The following ASTN2 variants were observed in gnomAD, a reference collection of about 807,000 sequenced individuals.
ASTN2 encodes astrotactin-2.
Under a neutral mutation model 139.8 loss-of-function variants are expected in ASTN2, and 54 were observed. That is an observed-to-expected ratio of 0.39 (90% CI 0.31 to 0.48). ASTN2 has a LOEUF of 0.48. Ranked by LOEUF, ASTN2 falls within the 20% of genes least tolerant of loss-of-function variation. The pLI is 0.95. For missense variants in ASTN2, 1,565 were observed against 1,725.1 expected (o/e 0.91, Z 1.64); for synonymous variants, 756 against 719.5 (o/e 1.05, Z -0.81).
chr9:117,308,062 G>T (rs1293379575), intron 1 of ASTN2, among the ~76,000 whole-genome samples: 2 of 152,110 alleles, frequency 1.3e-5, no homozygotes, highest in African/African-American at 4.8e-5. Flanking sequence ...TGGTGTCCTT[G>T]AAAGAGAGAG....
At chr9:116,614,100 C>A (rs1237582338) in intron 19 of ASTN2, among the ~76,000 whole-genome samples, 1 of 152,160 alleles carries the variant, frequency 6.6e-6, no homozygotes, top group Admixed American at 6.5e-5. Flanking sequence ...AGAGCCAAAT[C>A]ATGAGTGAAC....
intron 16 of ASTN2, 65 bp from the exon 17 acceptor site, chr9:116,651,858 T>C: frequency 1.9e-6 from 3 of 1,555,640 alleles, no homozygotes; most frequent in Non-Finnish European, 1.7e-6. Flanking sequence ...GCCAGACTCT[T>C]GAATTCACAA....
chr9:117,004,234 C>T (rs1837291914), intron 7 of ASTN2, among the ~76,000 whole-genome samples: 1 of 152,048 alleles, frequency 6.6e-6, no homozygotes, highest in Non-Finnish European at 1.5e-5. Context: ...ACCCTCCCAC[C>T]TCAGCTTCTA....
At chr9:116,438,223 A>G (rs1675944499) in intron 22 of ASTN2, among the ~76,000 whole-genome samples, 1 of 152,152 alleles carries the variant, frequency 6.6e-6, no homozygotes, top group Admixed American at 6.5e-5. Context: ...CAGCCTCTAG[A>G]GCCTCACTGC....
intron 7 of ASTN2, among the ~76,000 whole-genome samples, chr9:116,988,869 G>A (rs1836759451): frequency 6.6e-6 from 1 of 152,060 alleles, no homozygotes; most frequent in Non-Finnish European, 1.5e-5. Context: ...ATTGCTGGGT[G>A]GCCTTACTCA....
At chr9:117,142,330 G>A (rs183581398) in intron 3 of ASTN2, among the ~76,000 whole-genome samples, 3 of 152,352 alleles carry the variant, frequency 2.0e-5, no homozygotes, top group East Asian at 1.9e-4. Flanking sequence ...CCTGGACTGA[G>A]GCTTTGGAAG....
chr9:116,977,025 T>C lies in ASTN2; in HGVS notation c.1592-240A>G, dbSNP rs371749067. ...CTCGTACAGGTGCTCAGCTCAGCAC[T>C]GGAGATACAGAGGTCAAAGTTGCAA... On this transcript the variant is annotated intron_variant, in intron 7 of 22. Coordinates refer to ENST00000313400, the MANE Select transcript of ASTN2 (RefSeq NM_001365068.1). Among the ~76,000 whole-genome samples the C allele has an allele frequency of 9.2e-5, 14 of 152,268 alleles. No homozygotes were observed. In the East Asian group the frequency reaches 2.5e-3, roughly 27 times the overall value.
At chr9:116,450,802 C>T (rs1221085568) in intron 20 of ASTN2, among the ~76,000 whole-genome samples, 11 of 152,190 alleles carry the variant, frequency 7.2e-5, no homozygotes, top group South Asian at 6.2e-4. Context: ...ACCCAACTTT[C>T]CTGTCTCCCA....
At chr9:117,016,574 T>C (rs1272720018) in intron 6 of ASTN2, among the ~76,000 whole-genome samples, 1 of 117,202 alleles carries the variant, frequency 8.5e-6, no homozygotes, top group East Asian at 2.5e-4. Flanking sequence ...TCCACTGGGA[T>C]TTGGGGTATT....
intron 16 of ASTN2, among the ~76,000 whole-genome samples, chr9:116,704,047 G>C (rs1024143525): frequency 2.0e-5 from 3 of 152,158 alleles, no homozygotes; most frequent in African/African-American, 7.2e-5. Flanking sequence ...GCCAGCTCTG[G>C]GTCTGGCAAT....
At chr9:117,395,243 C>T (rs1039676302) in intron 1 of ASTN2, among the ~76,000 whole-genome samples, 1 of 152,124 alleles carries the variant, frequency 6.6e-6, no homozygotes, top group African/African-American at 2.4e-5. Flanking sequence ...CCAAATGCCG[C>T]CCCCACTGTG....
In ASTN2 at chr9:116,576,927, C is replaced by G. The variant is rs769071282; in HGVS notation, c.3355+41397G>C. ...CAACAATCATCATCTCTTCCCTGGG[C>G]CAGGCACTAGGAATACCAAAAACAA... On this transcript the variant is annotated intron_variant, in intron 19 of 22. Transcript: ENST00000313400. Among the ~76,000 whole-genome samples, 17 of 152,166 alleles carry G rather than the reference C, an allele frequency of 1.1e-4. 1 individual carries two copies. Among genetic ancestry groups the G allele is most frequent in the Non-Finnish European group, 1.5e-5 (1 of 68,028 alleles).
chr9:116,999,041 CCTA>C (rs1271391483), intron 7 of ASTN2, among the ~76,000 whole-genome samples: 1 of 152,094 alleles, frequency 6.6e-6, no homozygotes, highest in Admixed American at 6.6e-5. Flanking sequence ...CATTTCATAT[CCTA>C]CTACAAATGA....
intron 4 of ASTN2, among the ~76,000 whole-genome samples, chr9:117,102,801 C>T (rs11792297): frequency 0.29 from 43,931 of 151,860 alleles, 6,462 homozygotes; most frequent in Middle Eastern, 0.41. Context: ...GGATTACAGG[C>T]GTGAGTAACC....
At chr9:116,743,772 G>T (rs1212392094) in intron 13 of ASTN2, among the ~76,000 whole-genome samples, 1 of 152,132 alleles carries the variant, frequency 6.6e-6, no homozygotes, top group East Asian at 1.9e-4. Flanking sequence ...CAAAGTGCTG[G>T]GATTTCAGGC....
chr9:116,852,199 T>C (rs1832625044), intron 11 of ASTN2, among the ~76,000 whole-genome samples: 1 of 152,188 alleles, frequency 6.6e-6, no homozygotes. Flanking sequence ...CAATAGGACC[T>C]GATCTTAGGA....
chr9:117,402,348 G>C (rs1241635084), intron 1 of ASTN2, among the ~76,000 whole-genome samples: 1 of 152,192 alleles, frequency 6.6e-6, no homozygotes, highest in Non-Finnish European at 1.5e-5. Context: ...TTACAGGCGT[G>C]AGCCACTGCA....
At chr9:117,195,084 C>G (rs138660437) in intron 3 of ASTN2, among the ~76,000 whole-genome samples, 1 of 152,266 alleles carries the variant, frequency 6.6e-6, no homozygotes, top group Middle Eastern at 3.4e-3. Context: ...TCTCATGGAA[C>G]CTTCAGCCTA....
At chr9:116,658,733 CTT>C (rs71502074) in intron 16 of ASTN2, among the ~76,000 whole-genome samples, 42 of 101,124 alleles carry the variant, frequency 4.2e-4, no homozygotes, top group African/African-American at 1.6e-3. Context: ...GACCACCGCT[CTT>C]TTTTTTTTTT....
Sources: allele counts gnomAD v4.1 joint callset (sites outside exome capture counted in the v4.1 genomes callset), GRCh38; gene constraint gnomAD v4.1.1; transcripts MANE v1.5; gene names NCBI Gene and HGNC (gene_info 2026-07-23, HGNC 2026-07-21).